GLMN: variants seen among roughly 807,000 people sequenced by gnomAD.
The protein encoded by GLMN is glomulin, FKBP associated protein.
GLMN carries 75 observed loss-of-function variants against 87.8 expected under a neutral mutation model. That is an observed-to-expected ratio of 0.85 (90% confidence interval 0.71 to 1.04). The LOEUF is 1.04. Among genes scored for constraint, GLMN ranks in the 50% least tolerant of loss-of-function variants. The probability of loss-of-function intolerance (pLI) is 0.00; values close to 1 mark genes in which losing one functional copy is unlikely to be tolerated. For missense variants in GLMN, 588 were observed against 658.8 expected (o/e 0.89, Z 1.18); for synonymous variants, 206 against 221.6 (o/e 0.93, Z 0.63).
intron 16 of GLMN, among the ~76,000 whole-genome samples, chr1:92,256,906 G>GCAAT (rs141586095): frequency 0.48 from 72,006 of 151,516 alleles, 18,068 homozygotes; most frequent in East Asian, 0.96. Context: ...TCTGCTCAGG[G>GCAAT]CAATCAGGCA....
the GLMN span, chr1:92,324,237 A>G: frequency 1.2e-6 from 2 of 1,613,958 alleles, no homozygotes; most frequent in Non-Finnish European, 1.7e-6. Flanking sequence ...TTAGGGGCTC[A>G]GGTACAGCCA....
chr1:92,257,588 C>T (rs937953651), intron 16 of GLMN, among the ~76,000 whole-genome samples: 11 of 151,974 alleles, frequency 7.2e-5, no homozygotes, highest in South Asian at 2.1e-4. Flanking sequence ...TCAGAAATAA[C>T]GCCACACATC....
chr1:92,339,870 A>G, the GLMN span, among the ~76,000 whole-genome samples: 1 of 152,040 alleles, frequency 6.6e-6, no homozygotes, highest in South Asian at 2.1e-4. Context: ...CCTTCTAGTT[A>G]CTTTCTGCAT....
chr1:92,363,538 T>C, the GLMN span, among the ~76,000 whole-genome samples: 1 of 152,168 alleles, frequency 6.6e-6, no homozygotes, highest in African/African-American at 2.4e-5. Context: ...GGTTCTCTTC[T>C]AAGAGTACAG....
chr1:92,368,510 G>T, the GLMN span, among the ~76,000 whole-genome samples: 4 of 152,122 alleles, frequency 2.6e-5, no homozygotes, highest in African/African-American at 9.7e-5. Flanking sequence ...ATATTTTTCT[G>T]TTGACAGAAT....
chr1:92,363,117 A>C, the GLMN span, among the ~76,000 whole-genome samples: 2 of 152,166 alleles, frequency 1.3e-5, no homozygotes, highest in Admixed American at 1.3e-4. Context: ...AATTTGAAGG[A>C]GTCTATGAAC....
chr1:92,289,164 T>A lies in GLMN; in HGVS notation c.395-13A>T, dbSNP rs747428991. The A allele has an allele frequency of 2.8e-6, 4 of 1,451,086 alleles. No individual in the cohort carries two copies. The East Asian group carries it at 6.8e-5, about 25-fold the overall frequency. 89.9% of individuals were successfully genotyped at this position (1,451,086 alleles called of 1,614,324 possible). A position where few individuals can be genotyped will look rare whatever the true frequency, so the allele number is the denominator to read the frequency against. On this transcript the variant is annotated splice_polypyrimidine_tract_variant and intron_variant, in intron 5 of 18. Coordinates refer to ENST00000370360, the MANE Select transcript of GLMN (RefSeq NM_053274.3). ...AGTTTCTGAATCACTAAAACAGAGATCAAGTTGTCGCTCATCAAGTATGCT... is the reference window on the plus strand; with the variant it reads ...AGTTTCTGAATCACTAAAACAGAGAACAAGTTGTCGCTCATCAAGTATGCT...
Position 92,266,429 on chromosome 1 carries a change from T to C in GLMN, c.1204A>G (p.Thr402Ala), listed in dbSNP as rs374766335. Reference sequence around the variant, plus strand: ...ATGCTTGATACATACCTAAATAATGTATATTTGCCTTGTGAATCCAACTTG... The same window carrying C: ...ATGCTTGATACATACCTAAATAATGCATATTTGCCTTGTGAATCCAACTTG... ...INKLDSQGKYTLFRCLLNTSN... is the reference protein window; with the variant it reads ...INKLDSQGKYALFRCLLNTSN... Residue 402 changes from threonine to alanine, a missense_variant, in exon 13 of 19, where the codon ACA (threonine) becomes GCA (alanine). Coordinates refer to ENST00000370360, the MANE Select transcript of GLMN (RefSeq NM_053274.3). 151 of 1,525,360 alleles carry C rather than the reference T, an allele frequency of 9.9e-5. No homozygotes were observed. The highest frequency in any genetic ancestry group is 1.3e-4 in the Non-Finnish European group (147 of 1,099,972). The allele number at this position is 1,525,360 out of a possible 1,614,324, so 94.5% of individuals were successfully genotyped here. A position where few individuals can be genotyped will look rare whatever the true frequency, so the allele number is the denominator to read the frequency against.
At chr1:92,316,111 TAAG>T in the GLMN span, among the ~76,000 whole-genome samples, 1 of 152,316 alleles carries the variant, frequency 6.6e-6, no homozygotes. Context: ...ATCTTAAATC[TAAG>T]AAGGACAAAT....
At chr1:92,285,644 A>G (rs569362479) in intron 7 of GLMN, among the ~76,000 whole-genome samples, 1 of 152,236 alleles carries the variant, frequency 6.6e-6, no homozygotes, top group Non-Finnish European at 1.5e-5. Flanking sequence ...ATACATGCTC[A>G]ATCCCTTGCC....
chr1:92,344,860 A>G, the GLMN span, among the ~76,000 whole-genome samples: 31 of 152,146 alleles, frequency 2.0e-4, no homozygotes, highest in African/African-American at 6.5e-4. Context: ...GTCCATTTCA[A>G]ATTTCCTCCT....
rs1238427083 is a variant in GLMN at position 92,263,617 on chromosome 1, CCT to C, written c.1409+4_1409+5del. The C allele has an allele frequency of 7.3e-6, 9 of 1,226,528 alleles. No individual in the cohort carries two copies. The highest frequency in any genetic ancestry group is 1.1e-5 in the Non-Finnish European group (9 of 825,692). 76.0% of individuals were successfully genotyped at this position (1,226,528 alleles called of 1,614,324 possible). On this transcript the variant is annotated splice_donor_5th_base_variant and intron_variant, in intron 15 of 18. Transcript: ENST00000370360. ...ACTATGTGAACTTTGGTAATGGTCA[CCT>C]CACCTATCTGAGTTTTGCAGTAAAT...
At chr1:92,320,666 T>C in the GLMN span, 3 of 1,556,372 alleles carry the variant, frequency 1.9e-6, no homozygotes, top group South Asian at 1.1e-5. Flanking sequence ...TTACCATTTA[T>C]ATATTTATGT....
chr1:92,292,732 CTTTT>C (rs1177905555), intron 3 of GLMN, among the ~76,000 whole-genome samples: 2 of 119,672 alleles, frequency 1.7e-5, no homozygotes, highest in African/African-American at 6.4e-5. Flanking sequence ...CTTTTCTTTT[CTTTT>C]TTTTTTTTTT....
At chr1:92,315,153 A>C in the GLMN span, among the ~76,000 whole-genome samples, 1 of 152,184 alleles carries the variant, frequency 6.6e-6, no homozygotes, top group Non-Finnish European at 1.5e-5. Flanking sequence ...ATTCAATGTC[A>C]GTGAGTCTTC....
the GLMN span, chr1:92,307,396 T>A: frequency 6.5e-6 from 4 of 614,384 alleles, no homozygotes; most frequent in Non-Finnish European, 1.1e-5. Flanking sequence ...TTATATACTT[T>A]ATGGGGAAAT....
In GLMN at chr1:92,297,440, G is replaced by C. The variant is rs1159550683; in HGVS notation, c.129C>G (p.Asp43Glu). 1.2e-6 allele frequency: 2 copies of C among 1,609,262 alleles called. No individual in the cohort carries two copies. Among genetic ancestry groups the C allele is most frequent in the African/African-American group, 1.3e-5 (1 of 74,334 alleles). ...GQRCIEEGHT[D>E]QLLEIIQNEK... ...CATTTTGAATAATTTCTAATAGCTG[G>C]TCTGTGTGCCCTTCTTCTATGCATC... is the stretch of plus-strand genomic sequence containing the variant. Residue 43 changes from aspartate to glutamate, a missense_variant, in exon 3 of 19, where the codon GAC (aspartate) becomes GAG (glutamate). Asp to Glu is a conservative substitution (Grantham distance 45). Transcript: ENST00000370360.
the GLMN span, among the ~76,000 whole-genome samples, chr1:92,359,480 C>T: frequency 6.6e-6 from 1 of 152,142 alleles, no homozygotes; most frequent in East Asian, 1.9e-4. Flanking sequence ...CCACCATGCC[C>T]GTCTAATTTT....
chr1:92,355,453 T>C, the GLMN span, among the ~76,000 whole-genome samples: 1 of 152,306 alleles, frequency 6.6e-6, no homozygotes, highest in Middle Eastern at 3.4e-3. Context: ...CTGAAAGAGA[T>C]AAAGATGAGT....
Sources: allele counts gnomAD v4.1 joint callset (sites outside exome capture counted in the v4.1 genomes callset), GRCh38; gene constraint gnomAD v4.1.1; transcripts MANE v1.5; gene names NCBI Gene and HGNC (gene_info 2026-07-23, HGNC 2026-07-21).